CDH13: variants seen among roughly 807,000 people sequenced by gnomAD.
The protein encoded by CDH13 is cadherin-13.
Under a neutral mutation model 63.8 loss-of-function variants are expected in CDH13, and 24 were observed. The observed-to-expected ratio is 0.38, with a 90% CI of 0.27 to 0.53. The LOEUF (loss-of-function observed/expected upper bound fraction) is 0.53, where lower values mean the gene tolerates loss of function less well. Among genes scored for constraint, CDH13 ranks in the 20% least tolerant of loss-of-function variants. The pLI is 0.85. For missense variants in CDH13, 1,049 were observed against 903.1 expected, an observed-to-expected ratio of 1.16 and a Z score of -2.07; for synonymous variants, 503 against 355.3, an observed-to-expected ratio of 1.42 and a Z score of -4.67.
chr16:83,088,629 A>G (rs2033733723), intron 3 of CDH13, among the ~76,000 whole-genome samples: 1 of 152,242 alleles, frequency 6.6e-6, no homozygotes, highest in African/African-American at 2.4e-5. Flanking sequence ...TGTTGTGAGA[A>G]CAAAGTATTT....
intron 7 of CDH13, among the ~76,000 whole-genome samples, chr16:83,491,978 C>G (rs937963645): frequency 3.3e-5 from 5 of 152,070 alleles, no homozygotes; most frequent in Non-Finnish European, 4.4e-5. Flanking sequence ...ATGAGATATT[C>G]AAGAGTCCTT....
At chr16:82,649,944 C>T (rs1001702707) in intron 1 of CDH13, among the ~76,000 whole-genome samples, 1 of 152,130 alleles carries the variant, frequency 6.6e-6, no homozygotes, top group Non-Finnish European at 1.5e-5. Flanking sequence ...AAGACAGTGC[C>T]CGGTGTGCTG....
chr16:82,866,438 G>A (rs1377394489), intron 2 of CDH13, among the ~76,000 whole-genome samples: 1 of 127,926 alleles, frequency 7.8e-6, no homozygotes, highest in Non-Finnish European at 1.6e-5. Flanking sequence ...GCCCAGGCTG[G>A]AGTGCAGTGG....
intron 4 of CDH13, among the ~76,000 whole-genome samples, chr16:83,135,007 T>C (rs569293204): frequency 2.6e-5 from 4 of 152,350 alleles, no homozygotes; most frequent in African/African-American, 9.6e-5. Flanking sequence ...TATTTAATTA[T>C]TTGTGAACAT....
At chr16:83,567,583 G>T (rs9929601) in intron 7 of CDH13, among the ~76,000 whole-genome samples, 1 of 151,948 alleles carries the variant, frequency 6.6e-6, no homozygotes, top group Non-Finnish European at 1.5e-5. Context: ...TTCTTTGTTC[G>T]TCTGTTGTTT....
chr16:82,941,438 A>T (rs1213311848), intron 2 of CDH13, among the ~76,000 whole-genome samples: 1 of 152,140 alleles, frequency 6.6e-6, no homozygotes, highest in East Asian at 1.9e-4. Context: ...TCCTAGCTCT[A>T]AGATCAGCTT....
chr16:83,004,752 C>T (rs1567735624), intron 2 of CDH13, among the ~76,000 whole-genome samples: 1 of 152,272 alleles, frequency 6.6e-6, no homozygotes, highest in East Asian at 1.9e-4. Flanking sequence ...CTCAGCCTCC[C>T]AAAGGGCTGG....
chr16:83,359,400 A>G (rs2091119032), intron 6 of CDH13, among the ~76,000 whole-genome samples: 1 of 152,214 alleles, frequency 6.6e-6, no homozygotes, highest in Non-Finnish European at 1.5e-5. Flanking sequence ...CACGTGGGTC[A>G]CAAATACTGG....
intron 6 of CDH13, among the ~76,000 whole-genome samples, chr16:83,419,096 G>C (rs1029156373): frequency 3.3e-5 from 5 of 152,120 alleles, no homozygotes; most frequent in African/African-American, 1.2e-4. Context: ...AAAGGGCAGC[G>C]TGAAGACCTA....
chr16:82,888,504 C>G (rs912029287), intron 2 of CDH13, among the ~76,000 whole-genome samples: 4 of 152,206 alleles, frequency 2.6e-5, no homozygotes, highest in Non-Finnish European at 5.9e-5. Flanking sequence ...GCAGCCACTT[C>G]TGCTCCCCCA....
intron 11 of CDH13, among the ~76,000 whole-genome samples, chr16:83,753,405 A>G (rs1414051184): frequency 6.6e-6 from 1 of 152,142 alleles, no homozygotes; most frequent in Non-Finnish European, 1.5e-5. Flanking sequence ...TTAGTCATGC[A>G]CAGTGGCACA....
intron 4 of CDH13, among the ~76,000 whole-genome samples, chr16:83,166,173 A>C (rs1238205824): frequency 6.6e-6 from 1 of 152,118 alleles, no homozygotes; most frequent in African/African-American, 2.4e-5. Context: ...ATCAATTTGC[A>C]ATAGCTGATC....
chr16:82,689,415 T>G (rs1004173078), intron 1 of CDH13, among the ~76,000 whole-genome samples: 1 of 152,202 alleles, frequency 6.6e-6, no homozygotes, highest in Admixed American at 6.5e-5. Context: ...ATCATTATCA[T>G]AGTCAGTTTA....
At chr16:82,938,738 C>G (rs1246706477) in intron 2 of CDH13, among the ~76,000 whole-genome samples, 1 of 152,112 alleles carries the variant, frequency 6.6e-6, no homozygotes. Flanking sequence ...GGAGAGTCAA[C>G]GTAGGGTGCA....
chr16:82,627,388 G>A (rs1907448993), intron 1 of CDH13, among the ~76,000 whole-genome samples: 1 of 149,186 alleles, frequency 6.7e-6, no homozygotes, highest in South Asian at 2.2e-4. Flanking sequence ...GTGTACGTTC[G>A]TTAACGGGAG....
intron 10 of CDH13, among the ~76,000 whole-genome samples, chr16:83,734,408 A>T (rs1012301517): frequency 1.2e-4 from 18 of 152,144 alleles, no homozygotes; most frequent in African/African-American, 4.1e-4. Flanking sequence ...GATGCACCAG[A>T]GAGGAAATGT....
chr16:83,776,592 G>A (rs187199719), intron 11 of CDH13, among the ~76,000 whole-genome samples: 6 of 152,206 alleles, frequency 3.9e-5, no homozygotes, highest in East Asian at 3.9e-4. Flanking sequence ...AAAGAGTATC[G>A]GCTCGCACTT....
At chr16:83,297,796 A>G (rs1043624305) in intron 5 of CDH13, among the ~76,000 whole-genome samples, 3 of 152,216 alleles carry the variant, frequency 2.0e-5, no homozygotes, top group South Asian at 2.1e-4. Flanking sequence ...TGGAATAGGT[A>G]GACTAATCGA....
intron 1 of CDH13, among the ~76,000 whole-genome samples, chr16:82,709,830 T>C (rs2031775892): frequency 2.0e-5 from 3 of 152,164 alleles, no homozygotes; most frequent in African/African-American, 7.2e-5. Context: ...GAAGAAATCA[T>C]AGGCAGACAG....
Sources: allele counts gnomAD v4.1 joint callset (sites outside exome capture counted in the v4.1 genomes callset), GRCh38; gene constraint gnomAD v4.1.1; transcripts MANE v1.5; gene names NCBI Gene and HGNC (gene_info 2026-07-23, HGNC 2026-07-21).